The following TMEFF2 variants were observed in gnomAD, a reference collection of about 807,000 sequenced individuals.
The protein encoded by TMEFF2 is tomoregulin-2.
In TMEFF2, 28 loss-of-function variants were observed where a neutral mutation model predicts 53.8. That is an observed-to-expected ratio of 0.52 (90% CI 0.39 to 0.71). The LOEUF is 0.71. Among genes scored for constraint, TMEFF2 ranks in the 30% least tolerant of loss-of-function variants. The probability of loss-of-function intolerance (pLI) is 0.00; values close to 1 mark genes in which losing one functional copy is unlikely to be tolerated. For synonymous variants in TMEFF2, 162 were observed against 166.3 expected (o/e 0.97, Z 0.20); for missense variants, 353 against 455.2 (o/e 0.78, Z 2.04).
intron 7 of TMEFF2, among the ~76,000 whole-genome samples, chr2:191,981,335 A>AT (rs5837270): frequency 0.76 from 115,827 of 151,952 alleles, 44,302 homozygotes; most frequent in East Asian, 0.91. Context: ...TGTCTATAAC[A>AT]TTTTTTCTCT....
chr2:191,953,355 G>A (rs1009901707), intron 9 of TMEFF2, among the ~76,000 whole-genome samples: 7 of 152,126 alleles, frequency 4.6e-5, no homozygotes, highest in Admixed American at 4.6e-4. Context: ...AGATAAAAAT[G>A]TGTTTGTTAT....
chr2:191,980,172 T>G (rs773820972), intron 7 of TMEFF2, among the ~76,000 whole-genome samples: 7 of 152,064 alleles, frequency 4.6e-5, no homozygotes, highest in Non-Finnish European at 7.4e-5. Context: ...TGACATAAAA[T>G]AAAAAGGTAA....
At chr2:191,994,567 A>G (rs1293864800) in intron 7 of TMEFF2, among the ~76,000 whole-genome samples, 1 of 145,526 alleles carries the variant, frequency 6.9e-6, no homozygotes, top group African/African-American at 2.8e-5. Context: ...GACATGAGGG[A>G]CACACACACA....
intron 5 of TMEFF2, among the ~76,000 whole-genome samples, chr2:192,024,665 G>A (rs1178122923): frequency 6.6e-6 from 1 of 152,150 alleles, no homozygotes; most frequent in Non-Finnish European, 1.5e-5. Context: ...CCCCATTAAG[G>A]GATAAGGAAG....
At chr2:192,013,826 T>C (rs550077705) in intron 5 of TMEFF2, among the ~76,000 whole-genome samples, 2 of 152,202 alleles carry the variant, frequency 1.3e-5, no homozygotes, top group Non-Finnish European at 2.9e-5. Flanking sequence ...CTTGTCTGCT[T>C]TGTTCAGTGT....
Position 192,194,435 on chromosome 2 carries a change from G to A in TMEFF2, c.90C>T (p.Leu30=), listed in dbSNP as rs1294663924. 1 of 1,614,060 alleles carries A rather than the reference G, an allele frequency of 6.2e-7. No individual in the cohort carries two copies. The highest frequency in any genetic ancestry group is 1.3e-5 in the African/African-American group (1 of 74,936). ...CGAGCTTCACCGGGCGGGCTACGAT[G>A]AGTAGCATGACGGGCAGCAGCAGCA... ...CWLLLLPVML[L]IVARPVKLAA... The change falls in exon 1 of 10, where the codon CTC becomes CTT. Residue 30 remains leucine (L), a synonymous_variant. Transcript: ENST00000272771. The surrounding 1 kb of genome is among the most constrained non-coding windows in gnomAD (Gnocchi z 4.2).
Position 192,194,287 on chromosome 2 carries a change from G to A in TMEFF2, c.172+66C>T. 1 of 1,581,992 alleles carries A rather than the reference G, an allele frequency of 6.3e-7. No homozygotes were observed. The highest frequency in any genetic ancestry group is 8.6e-7 in the Non-Finnish European group (1 of 1,158,002). The stretch of plus-strand genomic sequence containing the variant: ...TGAGGAGGCGCGCTAGGGTAGGCTG[G>A]TCTGTGCTGGATACGCGTGTTCTTC... On this transcript the variant is annotated intron_variant, in intron 1 of 9. Coordinates refer to ENST00000272771, the MANE Select transcript of TMEFF2 (RefSeq NM_016192.4). The surrounding 1 kb of genome is among the most constrained non-coding windows in gnomAD (Gnocchi z 4.2).
At chr2:191,971,130 G>T (rs576413520) in intron 7 of TMEFF2, among the ~76,000 whole-genome samples, 1 of 152,108 alleles carries the variant, frequency 6.6e-6, no homozygotes, top group South Asian at 2.1e-4. Context: ...AAACAGTTAA[G>T]GATCCAATGT....
intron 5 of TMEFF2, among the ~76,000 whole-genome samples, chr2:192,009,476 G>A (rs1373493738): frequency 1.3e-5 from 2 of 152,018 alleles, no homozygotes; most frequent in Non-Finnish European, 2.9e-5. Context: ...CTATAATTGA[G>A]TATAAAAATA....
rs774469533 is a variant in TMEFF2, at chr2:192,179,715, T to C, written c.413-21A>G. Reference sequence around the variant, plus strand: ...TGCATCTGTGGGGGGAAAAGTTATATTTGCTAGTAAAACATATTCAAAAAT... The same window carrying C: ...TGCATCTGTGGGGGGAAAAGTTATACTTGCTAGTAAAACATATTCAAAAAT... On this transcript the variant is annotated intron_variant, in intron 3 of 9. Transcript: ENST00000272771. 19 of 1,517,914 alleles carry C rather than the reference T, an allele frequency of 1.3e-5. 2 individuals carry two copies. In the South Asian group the frequency reaches 2.7e-4, roughly 21 times the overall value. The allele number at this position is 1,517,914 out of a possible 1,614,324, so 94.0% of individuals were successfully genotyped here. A position where few individuals can be genotyped will look rare whatever the true frequency, so the allele number is the denominator to read the frequency against.
chr2:192,139,121 T>C (rs1690077856), intron 4 of TMEFF2, among the ~76,000 whole-genome samples: 1 of 152,150 alleles, frequency 6.6e-6, no homozygotes. Flanking sequence ...TAACCAAGGT[T>C]GAATACAAAA....
At chr2:192,092,044 AT>A (rs1688802499) in intron 4 of TMEFF2, among the ~76,000 whole-genome samples, 1 of 152,064 alleles carries the variant, frequency 6.6e-6, no homozygotes, top group Admixed American at 6.6e-5. Context: ...CTTGCCCAGG[AT>A]TTGAACCCTT....
intron 4 of TMEFF2, among the ~76,000 whole-genome samples, chr2:192,154,393 T>G (rs549228871): frequency 2.6e-5 from 4 of 152,096 alleles, no homozygotes; most frequent in Admixed American, 6.6e-5. Context: ...CATGTATACT[T>G]TCTACATTGG....
intron 5 of TMEFF2, among the ~76,000 whole-genome samples, chr2:192,053,233 CT>C (rs1440807046): frequency 1.3e-5 from 2 of 152,050 alleles, no homozygotes; most frequent in African/African-American, 4.8e-5. Flanking sequence ...TTCTCCTTCT[CT>C]TTCCCCTATT....
intron 4 of TMEFF2, among the ~76,000 whole-genome samples, chr2:192,100,395 T>C (rs1046881034): frequency 2.6e-5 from 4 of 152,152 alleles, no homozygotes; most frequent in Non-Finnish European, 5.9e-5. Flanking sequence ...GTGACCGAAG[T>C]CTTCTAGCAT....
chr2:192,132,224 C>T (rs936167316), intron 4 of TMEFF2, among the ~76,000 whole-genome samples: 23 of 152,256 alleles, frequency 1.5e-4, no homozygotes, highest in Non-Finnish European at 2.8e-4. Context: ...CTGTGACTAG[C>T]CCTCCCCCAC....
chr2:192,121,844 G>A (rs570466738), intron 4 of TMEFF2, among the ~76,000 whole-genome samples: 3 of 152,242 alleles, frequency 2.0e-5, no homozygotes, highest in South Asian at 4.1e-4. Flanking sequence ...GGAGAGAATT[G>A]CTGAGAGAAA....
At chr2:192,117,901 G>A (rs946315643) in intron 4 of TMEFF2, among the ~76,000 whole-genome samples, 5 of 140,680 alleles carry the variant, frequency 3.6e-5, no homozygotes, top group African/African-American at 1.4e-4. Flanking sequence ...CAGTGCTCTT[G>A]AACCACTTGC....
At chr2:192,064,475 G>T (rs11678800) in intron 4 of TMEFF2, among the ~76,000 whole-genome samples, 3,646 of 151,770 alleles carry the variant, frequency 0.024, 55 homozygotes, top group East Asian at 0.067. Context: ...CCTGCCAATC[G>T]CTACTAAATG....
Sources: allele counts gnomAD v4.1 joint callset (sites outside exome capture counted in the v4.1 genomes callset), GRCh38; gene constraint gnomAD v4.1.1; non-coding constraint Gnocchi (gnomAD v3.1); transcripts MANE v1.5; gene names NCBI Gene and HGNC (gene_info 2026-07-23, HGNC 2026-07-21).